Variants in CCDC7 observed in about 807,000 individuals in gnomAD.
CCDC7 encodes coiled-coil domain containing 7, also known as coiled-coil domain-containing protein 7.
In CCDC7, 183 loss-of-function variants were observed where a neutral mutation model predicts 196.9. The observed-to-expected ratio is 0.93, with a 90% confidence interval of 0.82 to 1.05. CCDC7 has a LOEUF of 1.05. Ranked by LOEUF, CCDC7 falls within the 50% of genes least tolerant of loss-of-function variation. CCDC7 has a pLI of 0.00. For synonymous variants in CCDC7, 525 were observed against 484.6 expected, an observed-to-expected ratio of 1.08 and a Z score of -1.10; for missense variants, 1,540 against 1,482.2, an observed-to-expected ratio of 1.04 and a Z score of -0.64.
intron 41 of CCDC7, among the ~76,000 whole-genome samples, chr10:32,869,283 T>C (rs1371183446): frequency 6.6e-6 from 1 of 152,182 alleles, no homozygotes; most frequent in African/African-American, 2.4e-5. Context: ...AGATGGTATC[T>C]CATTGTGGTT....
intron 21 of CCDC7, among the ~76,000 whole-genome samples, chr10:32,684,206 G>A (rs768074586): frequency 5.3e-5 from 8 of 152,108 alleles, no homozygotes; most frequent in Non-Finnish European, 1.2e-4. Flanking sequence ...TCCTAGATGG[G>A]GCCCTTATCC....
intron 18 of CCDC7, among the ~76,000 whole-genome samples, chr10:32,619,200 T>A (rs2139060030): frequency 6.6e-6 from 1 of 152,228 alleles, no homozygotes; most frequent in African/African-American, 2.4e-5. Flanking sequence ...TAATAAATCC[T>A]AAAGCATCAA....
At chr10:32,703,420 C>T (rs2992671) in intron 24 of CCDC7, among the ~76,000 whole-genome samples, 52,260 of 151,912 alleles carry the variant, frequency 0.34, 11,640 homozygotes, top group Non-Finnish European at 0.5. Context: ...GTGGGTAACG[C>T]GACATTTCTT....
At chr10:32,820,420 C>T (rs959828635) in intron 31 of CCDC7, among the ~76,000 whole-genome samples, 2 of 152,130 alleles carry the variant, frequency 1.3e-5, no homozygotes, top group African/African-American at 2.4e-5. Flanking sequence ...AATGCCATCC[C>T]CATTAAGCTA....
In CCDC7 at chr10:32,837,943, G is replaced by T. The variant is rs901443225; in HGVS notation, c.3352+3045G>T. Among the ~76,000 whole-genome samples, 12 of 119,908 alleles carry T rather than the reference G, an allele frequency of 1.0e-4. No individual in the cohort carries two copies. The Admixed American group carries it at 1.2e-3, about 12-fold the overall frequency. 78.7% of individuals were successfully genotyped at this position (119,908 alleles called of 152,430 possible). On this transcript the variant is annotated intron_variant, in intron 33 of 41. Transcript: ENST00000639629. Reference sequence around the variant, plus strand: ...CTTGTTGTGGGGTCGGGGGAGGGGGGAGGGATAGCATTAGGACATATACCT... The same window carrying T: ...CTTGTTGTGGGGTCGGGGGAGGGGGTAGGGATAGCATTAGGACATATACCT...
chr10:32,504,850 T>C (rs866181078), intron 9 of CCDC7, among the ~76,000 whole-genome samples: 3 of 152,238 alleles, frequency 2.0e-5, no homozygotes, highest in Non-Finnish European at 4.4e-5. Flanking sequence ...AAATATTTCA[T>C]ATTCACTCAA....
chr10:32,668,328 G>C (rs2073277376), intron 21 of CCDC7, among the ~76,000 whole-genome samples: 1 of 152,152 alleles, frequency 6.6e-6, no homozygotes, highest in Admixed American at 6.6e-5. Context: ...GGAACAATTT[G>C]ACTTCCTCTT....
intron 28 of CCDC7, among the ~76,000 whole-genome samples, chr10:32,740,518 C>T (rs1400929577): frequency 6.6e-6 from 1 of 152,086 alleles, no homozygotes; most frequent in East Asian, 1.9e-4. Flanking sequence ...ATACAAGTTC[C>T]ACAGGGCCAA....
chr10:32,838,468 C>T (rs1353585464), intron 33 of CCDC7, among the ~76,000 whole-genome samples: 3 of 152,014 alleles, frequency 2.0e-5, no homozygotes, highest in Non-Finnish European at 2.9e-5. Context: ...AACAAAGACT[C>T]CAAGAAGTTT....
At chr10:32,527,066 C>T (rs1202736419) in intron 11 of CCDC7, among the ~76,000 whole-genome samples, 1 of 152,134 alleles carries the variant, frequency 6.6e-6, no homozygotes, top group Non-Finnish European at 1.5e-5. Flanking sequence ...TTGAGGATTG[C>T]CAAGAAACTC....
At chr10:32,542,509 T>G (rs1338222647) in intron 11 of CCDC7, among the ~76,000 whole-genome samples, 1 of 151,722 alleles carries the variant, frequency 6.6e-6, no homozygotes, top group African/African-American at 2.4e-5. Context: ...GGCGTGCCCC[T>G]GTAGTCCCAG....
At chr10:32,453,619 A>C (rs537527900) in intron 2 of CCDC7, among the ~76,000 whole-genome samples, 183 bp downstream of exon 3, 1 of 152,288 alleles carries the variant, frequency 6.6e-6, no homozygotes, top group Admixed American at 6.5e-5. Flanking sequence ...TCTTGACCTG[A>C]ATTTTGCCAA....
chr10:32,643,702 A>C (rs2067239527), intron 20 of CCDC7, among the ~76,000 whole-genome samples: 1 of 151,968 alleles, frequency 6.6e-6, no homozygotes. Flanking sequence ...GGAAAAATAA[A>C]ATTGACTTTC....
At chr10:32,879,468 C>T (rs1432730398), downstream of CCDC7, among the ~76,000 whole-genome samples, 9 of 152,172 alleles carry the variant, frequency 5.9e-5, no homozygotes, top group South Asian at 1.0e-3. Flanking sequence ...TAAGGAAGGG[C>T]TTGGGGGTGG....
chr10:32,588,758 T>G (rs993145530), intron 18 of CCDC7, among the ~76,000 whole-genome samples: 2 of 152,154 alleles, frequency 1.3e-5, no homozygotes, highest in African/African-American at 4.8e-5. Flanking sequence ...AATTCATCAG[T>G]GAGGCCATCT....
chr10:32,775,467 G>A (rs2079860053), intron 28 of CCDC7, among the ~76,000 whole-genome samples: 1 of 152,106 alleles, frequency 6.6e-6, no homozygotes, highest in Non-Finnish European at 1.5e-5. Context: ...ATTACTAAGA[G>A]CACAAGTTTA....
chr10:32,518,597 A>G, intron 11 of CCDC7, 92 bp downstream of exon 12: 2 of 989,724 alleles, frequency 2.0e-6, no homozygotes, highest in Non-Finnish European at 2.7e-6. Flanking sequence ...AATGTTATAT[A>G]ATATGTTTTT....
intron 20 of CCDC7, among the ~76,000 whole-genome samples, chr10:32,660,689 A>G (rs2071156836): frequency 6.6e-6 from 1 of 152,134 alleles, no homozygotes; most frequent in African/African-American, 2.4e-5. Context: ...TAGATCCCTG[A>G]TCTTTGACAA....
At chr10:32,672,665 T>C (rs2074266981) in intron 21 of CCDC7, among the ~76,000 whole-genome samples, 1 of 152,186 alleles carries the variant, frequency 6.6e-6, no homozygotes, top group South Asian at 2.1e-4. Flanking sequence ...ATCAGGCCGT[T>C]GGGAACCATG....
Sources: allele counts gnomAD v4.1 joint callset (sites outside exome capture counted in the v4.1 genomes callset), GRCh38; gene constraint gnomAD v4.1.1; transcripts MANE v1.5; gene names NCBI Gene and HGNC (gene_info 2026-07-23, HGNC 2026-07-21).